TRIM33: variants seen among roughly 807,000 people sequenced by gnomAD.
TRIM33 encodes tripartite motif containing 33.
In TRIM33, 20 loss-of-function variants were observed where a neutral mutation model predicts 125.4. The ratio of observed to expected loss-of-function variants is 0.16; its 90% CI spans 0.11 to 0.23. The LOEUF is 0.23. TRIM33 is among the 10% of genes least tolerant of loss of function. The pLI, the probability that TRIM33 is intolerant of heterozygous loss-of-function variation, is 1.00. For synonymous variants in TRIM33, 564 were observed against 513.9 expected (o/e 1.10, Z -1.32); for missense variants, 920 against 1,411.4 (o/e 0.65, Z 5.58).
At chr1:114,483,856 T>C (rs1013271858) in intron 1 of TRIM33, among the ~76,000 whole-genome samples, 3 of 152,100 alleles carry the variant, frequency 2.0e-5, no homozygotes, top group Admixed American at 2.0e-4. Context: ...ACATCACAGA[T>C]AAAATATTAC....
intron 13 of TRIM33, among the ~76,000 whole-genome samples, chr1:114,408,045 G>T (rs1222289549): frequency 1.3e-5 from 2 of 152,136 alleles, no homozygotes; most frequent in Non-Finnish European, 2.9e-5. Context: ...GGAAGTATAT[G>T]CCACCACTAC....
chr1:114,401,198 G>A (rs1006795051), intron 17 of TRIM33, among the ~76,000 whole-genome samples, 191 bp downstream of exon 17: 3 of 151,988 alleles, frequency 2.0e-5, no homozygotes, highest in Admixed American at 6.6e-5. Context: ...CACCGTGCCC[G>A]GCTAGTTTTT....
At chr1:114,483,188 T>C (rs1651460436) in intron 1 of TRIM33, among the ~76,000 whole-genome samples, 2 of 151,974 alleles carry the variant, frequency 1.3e-5, no homozygotes, top group South Asian at 4.1e-4. Flanking sequence ...ACACTTGTAG[T>C]CCCAGCTACT....
intron 18 of TRIM33, among the ~76,000 whole-genome samples, chr1:114,398,205 T>C (rs1404921492): frequency 2.6e-5 from 4 of 152,210 alleles, no homozygotes; most frequent in Admixed American, 2.6e-4. Context: ...TCAGTAATTG[T>C]CTTATTTTGA....
At position 114,395,988 on chromosome 1, in the gene TRIM33, C is replaced by G. The variant is rs182558043; in HGVS notation, c.*1660G>C. 1.0e-4 allele frequency: 20 copies of G among 193,884 alleles called. No individual in the cohort carries two copies. Among genetic ancestry groups the G allele is most frequent in the Admixed American group, 9.1e-4 (15 of 16,420 alleles). The allele number at this position is 193,884 out of a possible 1,614,324, so 12.0% of individuals were successfully genotyped here. ...AAAATATTGACCTCTTAGACAATTA[C>G]GTGAAATAATTTTCTGAGTAGTCTA... On this transcript the variant is annotated 3_prime_UTR_variant, in exon 20 of 20. Transcript: ENST00000358465.
intron 4 of TRIM33, among the ~76,000 whole-genome samples, chr1:114,462,391 A>C (rs1347249618): frequency 6.6e-6 from 1 of 152,206 alleles, no homozygotes; most frequent in African/African-American, 2.4e-5. Flanking sequence ...CATTTTTGGC[A>C]ATAGATTAAT....
In TRIM33 at chr1:114,510,713, G is replaced by A. The variant is rs2101597096; in HGVS notation, c.364C>T (p.Leu122=). ...GPPPGPPASL[L]DTCAVCQQSL... is the part of the protein sequence containing the mutation. ...TGCTGACACACGGCGCAGGTGTCCA[G>A]GAGCGAGGCTGGCGGTCCAGGAGGC... The change falls in exon 1 of 20, where the codon CTG becomes TTG. Residue 122 remains leucine, a synonymous_variant. Transcript: ENST00000358465. 3.2e-6 allele frequency: 5 copies of A among 1,539,010 alleles called. No individual in the cohort carries two copies. Among genetic ancestry groups the A allele is most frequent in the Non-Finnish European group, 4.4e-6 (5 of 1,147,880 alleles).
At chr1:114,466,632 C>T (rs1650318090) in intron 1 of TRIM33, among the ~76,000 whole-genome samples, 1 of 152,196 alleles carries the variant, frequency 6.6e-6, no homozygotes, top group African/African-American at 2.4e-5. Flanking sequence ...CACCAAGGCT[C>T]AGGTGAGATT....
chr1:114,449,341 C>T (rs1649177562), intron 4 of TRIM33, among the ~76,000 whole-genome samples: 1 of 152,092 alleles, frequency 6.6e-6, no homozygotes. Context: ...TGATGACATG[C>T]CAACAATTCC....
In TRIM33 at chr1:114,421,524, G is replaced by A. The variant is rs778774617; in HGVS notation, c.1973C>T (p.Thr658Ile). The A allele has an allele frequency of 1.2e-6, 2 of 1,614,160 alleles. No individual in the cohort carries two copies. Among genetic ancestry groups the A allele is most frequent in the Non-Finnish European group, 1.7e-6 (2 of 1,180,036 alleles). Residue 658 changes from threonine (T) to isoleucine (I), a missense_variant, in exon 11 of 20, where the codon ACC (threonine) becomes ATC (isoleucine). By Grantham distance (89) the Thr-to-Ile change is moderately conservative (BLOSUM62 -1). This residue lies in a region of TRIM33 where 407 missense variants were observed against 589.7 expected (regional missense o/e 0.69). Coordinates refer to ENST00000358465, the MANE Select transcript of TRIM33 (RefSeq NM_015906.4). ...CTCTATTGCTGTAACAGATGGGCTG[G>A]TGGGACCTCGGTTTGCATTTGCCAT... ...ATMANANRGPTSPSVTAIELI... is the reference protein window; with the variant it reads ...ATMANANRGPISPSVTAIELI...
chr1:114,440,503 C>G (rs1424129932), intron 4 of TRIM33, among the ~76,000 whole-genome samples: 1 of 152,056 alleles, frequency 6.6e-6, no homozygotes, highest in South Asian at 2.1e-4. Flanking sequence ...AATACATGTA[C>G]TCTATTTAAA....
At chr1:114,413,274 AGTAGCTGGG>A (rs908065438) in intron 11 of TRIM33, among the ~76,000 whole-genome samples, 3 of 152,138 alleles carry the variant, frequency 2.0e-5, no homozygotes, top group Non-Finnish European at 4.4e-5. Flanking sequence ...AAAGTCCAAA[AGTAGCTGGG>A]CGCAGTGGCT....
chr1:114,433,809 G>C, intron 4 of TRIM33, 76 bp from the exon 5 acceptor site: 1 of 900,398 alleles, frequency 1.1e-6, no homozygotes, highest in Non-Finnish European at 1.8e-6. Context: ...ACAGCTAAAT[G>C]AGTCAATCTT....
At chr1:114,463,587 T>A (rs1650116930) in intron 2 of TRIM33, 31 bp from the exon 3 acceptor site, 1 of 1,368,836 alleles carries the variant, frequency 7.3e-7, no homozygotes, top group Non-Finnish European at 1.0e-6. Flanking sequence ...TAATCTAAAT[T>A]AAATACATAA....
chr1:114,462,751 G>A (rs1330426624), intron 4 of TRIM33, among the ~76,000 whole-genome samples: 2 of 152,104 alleles, frequency 1.3e-5, no homozygotes, highest in African/African-American at 4.8e-5. Context: ...GTGATTTGAT[G>A]TTTAAAAGAA....
At chr1:114,482,340 A>C (rs988978114) in intron 1 of TRIM33, among the ~76,000 whole-genome samples, 5 of 152,180 alleles carry the variant, frequency 3.3e-5, no homozygotes, top group African/African-American at 1.2e-4. Context: ...AGAAGACCAA[A>C]TGAAAACATT....
At chr1:114,480,476 TAA>T (rs61241613) in intron 1 of TRIM33, among the ~76,000 whole-genome samples, 25,298 of 77,424 alleles carry the variant, frequency 0.33, 3,157 homozygotes, top group Non-Finnish European at 0.37. Flanking sequence ...ATGATCAATT[TAA>T]AAAAAAAAAA....
intron 5 of TRIM33, among the ~76,000 whole-genome samples, chr1:114,433,195 T>C (rs1315044154): frequency 2.0e-5 from 3 of 152,234 alleles, no homozygotes; most frequent in Non-Finnish European, 4.4e-5. Flanking sequence ...AACTATATCA[T>C]GTATTCATCT....
At chr1:114,501,823 T>TAAC (rs1553224398) in intron 1 of TRIM33, among the ~76,000 whole-genome samples, 2 of 151,722 alleles carry the variant, frequency 1.3e-5, no homozygotes, top group Non-Finnish European at 2.9e-5. Context: ...AAATAGCATA[T>TAAC]AAGCATTCAA....
Sources: gnomAD v4.1 joint callset for allele counts (sites outside exome capture counted in the v4.1 genomes callset) on GRCh38, gnomAD v4.1.1 for gene constraint, gnomAD v4.1.1 regional missense constraint, MANE v1.5 for transcripts, NCBI Gene and HGNC (gene_info 2026-07-23, HGNC 2026-07-21) for gene names.